The following MYO7B variants were observed in gnomAD, a reference collection of about 807,000 sequenced individuals.
MYO7B encodes the protein myosin VIIB.
MYO7B carries 212 observed loss-of-function variants against 259.7 expected under a neutral mutation model. That is an observed-to-expected ratio of 0.82 (90% CI 0.73 to 0.91). The LOEUF (loss-of-function observed/expected upper bound fraction) is 0.91, where lower values mean the gene tolerates loss of function less well. Among genes scored for constraint, MYO7B ranks in the 40% least tolerant of loss-of-function variants. MYO7B has a pLI of 0.00. For missense variants in MYO7B, 2,732 were observed against 2,813.5 expected, an observed-to-expected ratio of 0.97 and a Z score of 0.66; for synonymous variants, 1,197 against 1,166.4, an observed-to-expected ratio of 1.03 and a Z score of -0.54.
chr2:127,567,254 G>T (rs975165768), intron 5 of MYO7B, among the ~76,000 whole-genome samples: 5 of 152,060 alleles, frequency 3.3e-5, no homozygotes, highest in Non-Finnish European at 5.9e-5. Context: ...AATAAAAAAA[G>T]AAAAAGATAT....
chr2:127,562,003 GAA>G (rs1678107966), intron 2 of MYO7B, among the ~76,000 whole-genome samples: 1 of 150,236 alleles, frequency 6.7e-6, no homozygotes, highest in African/African-American at 2.4e-5. Context: ...GAGGGAGAAA[GAA>G]AAAGAGAGAG....
intron 5 of MYO7B, 106 bp from the exon 6 acceptor site, chr2:127,569,683 T>C: frequency 7.1e-7 from 1 of 1,412,406 alleles, no homozygotes; most frequent in Non-Finnish European, 9.6e-7. Flanking sequence ...AGGCCATCCC[T>C]GTCAGACTGG....
In MYO7B at chr2:127,611,685, A is replaced by G. The variant is rs1293214674; in HGVS notation, c.3193-565A>G. Among the ~76,000 whole-genome samples, 1 of 152,064 alleles carries G rather than the reference A, an allele frequency of 6.6e-6. No individual in the cohort carries two copies. The highest frequency in any genetic ancestry group is 1.5e-5 in the Non-Finnish European group (1 of 67,992). Reference sequence around the variant, plus strand: ...ACACTGAGCTCCAATTTTGGCAGCAAATTCTTCTCATGACGCCATCATGAG... The same window carrying G: ...ACACTGAGCTCCAATTTTGGCAGCAGATTCTTCTCATGACGCCATCATGAG... On this transcript the variant is annotated intron_variant, in intron 24 of 47. Coordinates refer to ENST00000409816, the MANE Select transcript of MYO7B (RefSeq NM_001393586.1). This position sits in a 1 kb window ranked among gnomAD's most constrained non-coding sequence, Gnocchi z 5.4.
intron 37 of MYO7B, 44 bp downstream of exon 37, chr2:127,631,407 G>A (rs1681501171): frequency 6.3e-7 from 1 of 1,580,608 alleles, no homozygotes; most frequent in African/African-American, 1.3e-5. Context: ...CAATGCCAGG[G>A]CAGAGGCACC....
intron 7 of MYO7B, 92 bp downstream of exon 7, chr2:127,574,154 T>G: frequency 1.3e-6 from 2 of 1,509,868 alleles, no homozygotes; most frequent in Non-Finnish European, 1.8e-6. Context: ...TCCTCCCCTC[T>G]TCCCCAAGGG....
At position 127,636,684 on chromosome 2, in the gene MYO7B, G is replaced by T. The variant is rs960658914; in HGVS notation, c.6207+56G>T. On this transcript the variant is annotated intron_variant, in intron 46 of 47. Coordinates refer to ENST00000409816, the MANE Select transcript of MYO7B (RefSeq NM_001393586.1). The surrounding 1 kb of genome is among the most constrained non-coding windows in gnomAD (Gnocchi z 4.5). ...GCCACCAGGTCCAGGGACCTGTGCA[G>T]GTGGGGCTGCAGTCATCTCTGCGGT... is the stretch of plus-strand genomic sequence containing the variant. 4.4e-6 allele frequency: 7 copies of T among 1,607,910 alleles called. No individual in the cohort carries two copies. In the African/African-American group the frequency reaches 9.4e-5, roughly 21 times the overall value.
At chr2:127,556,309 AG>A (rs1292085029) in intron 1 of MYO7B, among the ~76,000 whole-genome samples, 5 of 152,192 alleles carry the variant, frequency 3.3e-5, no homozygotes, top group Non-Finnish European at 5.9e-5. Context: ...ATTTTCTTGA[AG>A]GCAGCAGATG....
At chr2:127,612,121 T>C (rs1314473882) in intron 24 of MYO7B, 129 bp from the exon 25 acceptor site, 2 of 439,286 alleles carry the variant, frequency 4.6e-6, no homozygotes, top group African/African-American at 4.0e-5. Context: ...GACTGCATGG[T>C]GCTTTATAAA....
At chr2:127,623,023 G>A (rs1387772253) in intron 28 of MYO7B, among the ~76,000 whole-genome samples, 179 bp from the exon 29 acceptor site, 1 of 152,206 alleles carries the variant, frequency 6.6e-6, no homozygotes, top group Non-Finnish European at 1.5e-5. Context: ...CTGTTGGCCT[G>A]AATTTTGTTT....
At position 127,564,198 on chromosome 2, in the gene MYO7B, G is replaced by A. The variant is rs763504193; in HGVS notation, c.64G>A (p.Val22Met). The change falls in exon 3 of 48, where the codon GTG (valine) becomes ATG (methionine). Residue 22 changes from valine to methionine, a missense_variant. Coordinates refer to ENST00000409816, the MANE Select transcript of MYO7B (RefSeq NM_001393586.1). The stretch of plus-strand genomic sequence containing the variant: ...GCCTCCCTCCACCCACAAGACCGGC[G>A]TGGCCATCGGGGGCATCATCAAAGA... ...LEPPSTHKTG[V>M]AIGGIIKEAK... is the part of the protein sequence containing the mutation. The A allele has an allele frequency of 3.8e-6, 6 of 1,577,912 alleles. No individual in the cohort carries two copies. The highest frequency in any genetic ancestry group is 2.7e-5 in the African/African-American group (2 of 74,366).
chr2:127,542,780 A>G (rs56398807), intron 1 of MYO7B, among the ~76,000 whole-genome samples: 47,542 of 152,068 alleles, frequency 0.31, 9,130 homozygotes, highest in African/African-American at 0.53. Context: ...TCACCATCTC[A>G]GAGAAGGGGA....
intron 2 of MYO7B, among the ~76,000 whole-genome samples, chr2:127,562,630 G>T (rs1024264306): frequency 6.6e-6 from 1 of 151,928 alleles, no homozygotes; most frequent in African/African-American, 2.4e-5. Flanking sequence ...TGGGACTACA[G>T]GTGCTTGCCA....
At position 127,578,175 on chromosome 2, in the gene MYO7B, TACGCCCACA is replaced by T; in HGVS notation, c.893_901del (p.Tyr298_Ile301delinsPhe). On this transcript the variant is annotated inframe_deletion, in exon 9 of 48. Transcript: ENST00000409816. ...TGAGGGGCTCAACGACGCCAAGGAC[TACGCCCACA>T]TCCGCTCGGCCATGAAGATCCTCCA... The T allele has an allele frequency of 1.2e-6, 2 of 1,613,832 alleles. No homozygotes were observed. The highest frequency in any genetic ancestry group is 1.7e-6 in the Non-Finnish European group (2 of 1,179,862).
rs935293056 is a variant in MYO7B at position 127,585,505 on chromosome 2, T to C, written c.1690+592T>C. 6.6e-6 allele frequency among the ~76,000 whole-genome samples: 1 copy of C among 152,214 alleles called. No homozygotes were observed. Among genetic ancestry groups the C allele is most frequent in the Non-Finnish European group, 1.5e-5 (1 of 68,042 alleles). ...TGGCGGACATTTGGGTTTTTTCCACTTTTTGCCTATTATGAATAACACAGC... is the reference window on the plus strand; with the variant it reads ...TGGCGGACATTTGGGTTTTTTCCACCTTTTGCCTATTATGAATAACACAGC... On this transcript the variant is annotated intron_variant, in intron 14 of 47. Coordinates refer to ENST00000409816, the MANE Select transcript of MYO7B (RefSeq NM_001393586.1). This position sits in a 1 kb window ranked among gnomAD's most constrained non-coding sequence, Gnocchi z 4.3.
Position 127,564,055 on chromosome 2 carries a change from T to C in MYO7B, c.19-98T>C, listed in dbSNP as rs569552807. On this transcript the variant is annotated intron_variant, in intron 2 of 47. Transcript: ENST00000409816. ...GACAAGCTCCAGCCACCTTGGGAGC[T>C]CTGGGCTGGAAGGCATAGCCCCGAA... 6.1e-6 allele frequency: 5 copies of C among 814,378 alleles called. No individual in the cohort carries two copies. In the Admixed American group the frequency reaches 1.1e-4, roughly 18 times the overall value. The allele number at this position is 814,378 out of a possible 1,614,324, so 50.4% of individuals were successfully genotyped here.
chr2:127,536,334 G>C (rs1033172576), intron 1 of MYO7B, among the ~76,000 whole-genome samples: 3 of 152,188 alleles, frequency 2.0e-5, no homozygotes, highest in Non-Finnish European at 4.4e-5. Flanking sequence ...AGGTGCCCAC[G>C]GGAAGAAGCA....
At chr2:127,582,724 C>T (rs770227703) in intron 12 of MYO7B, among the ~76,000 whole-genome samples, 4 of 135,398 alleles carry the variant, frequency 3.0e-5, no homozygotes, top group African/African-American at 5.8e-5. Flanking sequence ...GATTATCACA[C>T]GAGGTCAGGG....
chr2:127,578,400 C>G, intron 9 of MYO7B, 114 bp downstream of exon 9: 1 of 1,324,344 alleles, frequency 7.6e-7, no homozygotes, highest in South Asian at 1.4e-5. Flanking sequence ...CAACCCAGGC[C>G]TGGAAAAATA....
intron 28 of MYO7B, 99 bp from the exon 29 acceptor site, chr2:127,623,103 G>A (rs750980575): frequency 2.1e-6 from 3 of 1,405,790 alleles, no homozygotes; most frequent in Non-Finnish European, 1.9e-6. Flanking sequence ...GGCAAGCAGG[G>A]CCCATGGGCT....
Sources: allele counts gnomAD v4.1 joint callset (sites outside exome capture counted in the v4.1 genomes callset), GRCh38; gene constraint gnomAD v4.1.1; non-coding constraint Gnocchi (gnomAD v3.1); transcripts MANE v1.5; gene names NCBI Gene and HGNC (gene_info 2026-07-23, HGNC 2026-07-21).